SCAP: variants seen among roughly 807,000 people sequenced by gnomAD.
SCAP encodes the protein SREBF chaperone.
Under a neutral mutation model 123.6 loss-of-function variants are expected in SCAP, and 65 were observed. That is an observed-to-expected ratio of 0.53 (90% confidence interval 0.43 to 0.65). SCAP has a LOEUF of 0.65. SCAP is among the 30% of genes least tolerant of loss of function. The pLI is 0.00. For missense variants in SCAP, 1,398 were observed against 1,712.5 expected, an observed-to-expected ratio of 0.82 and a Z score of 3.24; for synonymous variants, 740 against 726.3, an observed-to-expected ratio of 1.02 and a Z score of -0.30.
intron 1 of SCAP, among the ~76,000 whole-genome samples, chr3:47,471,488 T>C: frequency 6.6e-6 from 1 of 152,160 alleles, no homozygotes; most frequent in East Asian, 1.9e-4. Flanking sequence ...AACATAGTTC[T>C]AGTATACTTA....
Position 47,419,498 on chromosome 3 carries a change from G to A in SCAP, c.1770C>T (p.Asn590=), listed in dbSNP as rs765920943. 1 of 1,614,016 alleles carries A rather than the reference G, an allele frequency of 6.2e-7. No homozygotes were observed. Among genetic ancestry groups the A allele is most frequent in the Non-Finnish European group, 8.5e-7 (1 of 1,180,002 alleles). ...FPPDAPKLPE[N]QTSPGESPER... ...CAGGTGACTCGCCTGGCGACGTCTG[G>A]TTCTCAGGTAGCTTAGGGGCATCAG... The change falls in exon 13 of 23, where the codon AAC becomes AAT. Residue 590 remains asparagine, a synonymous_variant. Transcript: ENST00000265565. The surrounding 1 kb of genome is among the most constrained non-coding windows in gnomAD (Gnocchi z 5.0).
At chr3:47,459,500 C>T (rs906349267) in intron 1 of SCAP, among the ~76,000 whole-genome samples, 1 of 152,050 alleles carries the variant, frequency 6.6e-6, no homozygotes, top group Non-Finnish European at 1.5e-5. Flanking sequence ...TAAAGAGAAA[C>T]AGTACAAAGA....
intron 8 of SCAP, 125 bp from the exon 9 acceptor site, chr3:47,424,170 G>T: frequency 1.5e-6 from 1 of 685,400 alleles, no homozygotes; most frequent in Non-Finnish European, 2.6e-6. Context: ...CACAGGTGCT[G>T]GGCAGAAACC....
At chr3:47,433,033 AAGACCAAAAGTGAAGCT>A (rs1355643993) in intron 3 of SCAP, among the ~76,000 whole-genome samples, 1 of 152,202 alleles carries the variant, frequency 6.6e-6, no homozygotes, top group African/African-American at 2.4e-5. Context: ...CACTGTTGGG[AAGACCAAAAGTGAAGCT>A]GACCCAGAGA....
At chr3:47,442,576 A>G (rs1291596510) in intron 2 of SCAP, among the ~76,000 whole-genome samples, 1 of 152,268 alleles carries the variant, frequency 6.6e-6, no homozygotes, top group Admixed American at 6.5e-5. Context: ...AGAAAACTGA[A>G]GTATCATATC....
chr3:47,471,615 C>A (rs891246334), intron 1 of SCAP, among the ~76,000 whole-genome samples: 1 of 152,062 alleles, frequency 6.6e-6, no homozygotes, highest in Non-Finnish European at 1.5e-5. Flanking sequence ...AGGTGATCCA[C>A]CCTCCTCAGC....
At chr3:47,424,590 A>C (rs1706041071) in intron 8 of SCAP, among the ~76,000 whole-genome samples, 1 of 152,168 alleles carries the variant, frequency 6.6e-6, no homozygotes, top group Non-Finnish European at 1.5e-5. Context: ...AACCCTAAGA[A>C]AGTCTATGTG....
intron 1 of SCAP, among the ~76,000 whole-genome samples, chr3:47,469,411 G>A (rs1487388366): frequency 6.6e-6 from 1 of 152,172 alleles, no homozygotes; most frequent in African/African-American, 2.4e-5. Flanking sequence ...ACCCAGGCTG[G>A]AGTGCTGTGA....
intron 3 of SCAP, among the ~76,000 whole-genome samples, chr3:47,433,504 C>T (rs951466594): frequency 2.0e-5 from 3 of 152,218 alleles, no homozygotes; most frequent in Non-Finnish European, 2.9e-5. Context: ...CTATTCCACA[C>T]CAATGGGCCA....
chr3:47,414,147 T>G (rs1705448888), intron 22 of SCAP, 33 bp downstream of exon 22: 2 of 1,613,314 alleles, frequency 1.2e-6, no homozygotes, highest in South Asian at 2.2e-5. Flanking sequence ...TTCCCTAAAA[T>G]CCCAAGAATC....
At chr3:47,455,715 C>T (rs534294591) in intron 1 of SCAP, among the ~76,000 whole-genome samples, 1 of 151,422 alleles carries the variant, frequency 6.6e-6, no homozygotes, top group African/African-American at 2.4e-5. Context: ...GTCAATATAA[C>T]GTAACCAAAG....
chr3:47,435,108 C>A lies in SCAP; in HGVS notation c.152G>T (p.Gly51Val). Reference sequence around the variant, plus strand: ...GGTGGTGAATTCCACAGGTCCTGTTCCTGGCAAGGGGAGTTTCAGCAGTGG... The same window carrying A: ...GGTGGTGAATTCCACAGGTCCTGTTACTGGCAAGGGGAGTTTCAGCAGTGG... ...CYPLLKLPLP[G>V]TGPVEFTTPV... Residue 51 changes from glycine (G) to valine (V), a missense_variant, in exon 3 of 23, where the codon GGA becomes GTA. By Grantham distance (109) the Gly-to-Val change is moderately radical. Around this residue, in one of 7 missense-constraint regions of SCAP, gnomAD observed 319 missense variants for 432.4 expected, o/e 0.74. Coordinates refer to ENST00000265565, the MANE Select transcript of SCAP (RefSeq NM_012235.4). 6.2e-7 allele frequency: 1 copy of A among 1,613,968 alleles called. No individual in the cohort carries two copies.
chr3:47,474,146 T>C lies in SCAP; in HGVS notation c.-99+1653A>G, dbSNP rs183372625. 5.1e-3 allele frequency among the ~76,000 whole-genome samples: 782 copies of C among 152,084 alleles called. 6 individuals carry two copies. Among genetic ancestry groups the C allele is most frequent in the South Asian group, 0.015 (73 of 4,826 alleles). The stretch of plus-strand genomic sequence containing the variant: ...CGGGCATGGTGGCGGGCGCCTGTAG[T>C]CCCAGCTACTTGGGAGGCTGAGGCA... On this transcript the variant is annotated intron_variant, in intron 1 of 22. Transcript: ENST00000265565.
Position 47,414,018 on chromosome 3 carries a change from C to T in SCAP, c.3676G>A (p.Asp1226Asn). The T allele has an allele frequency of 6.2e-7, 1 of 1,613,294 alleles. No homozygotes were observed. Reference protein sequence around the residue: ...TGGQGCVSFWDLNYGDLLQTV... With the variant: ...TGGQGCVSFWNLNYGDLLQTV... ...TGTAACAGGTCCCCGTAGTTTAGGT[C>T]CCAAAAGGAGACACAGCCCTGGCCG... is the stretch of plus-strand genomic sequence containing the variant. The change falls in exon 23 of 23, where the codon GAC becomes AAC. Residue 1226 changes from aspartate to asparagine, a missense_variant. Physicochemically the swap from Asp to Asn is conservative, Grantham distance 23. Around this residue, in one of 7 missense-constraint regions of SCAP, gnomAD observed 130 missense variants for 166.7 expected, o/e 0.78. Transcript: ENST00000265565.
chr3:47,427,433 T>C lies in SCAP; in HGVS notation c.631+14A>G. On this transcript the variant is annotated intron_variant, in intron 5 of 22. Transcript: ENST00000265565. ...CACCTTTACAGGTCTGAAGGGAACT[T>C]GTACTGGGGCTACCTTTGAGTGTGG... The C allele has an allele frequency of 6.2e-7, 1 of 1,613,452 alleles. No homozygotes were observed. Among genetic ancestry groups the C allele is most frequent in the Non-Finnish European group, 8.5e-7 (1 of 1,179,376 alleles).
chr3:47,421,561 T>C (rs1239032658), intron 10 of SCAP, among the ~76,000 whole-genome samples: 1 of 152,184 alleles, frequency 6.6e-6, no homozygotes, highest in Non-Finnish European at 1.5e-5. Flanking sequence ...CAGACAAAAT[T>C]TTCTGAGATG....
rs765925928 is a variant in SCAP at position 47,427,151 on chromosome 3, T to A, written c.737+6A>T. 1.2e-6 allele frequency: 2 copies of A among 1,605,258 alleles called. No homozygotes were observed. Among genetic ancestry groups the A allele is most frequent in the Non-Finnish European group, 1.7e-6 (2 of 1,172,064 alleles). ...AGTCAAGAGCCCAGGGTACTGTCAA[T>A]CTTACTTGGCATGGTAGTGCTGGAA... On this transcript the variant is annotated splice_donor_region_variant and intron_variant, in intron 6 of 22. Transcript: ENST00000265565.
chr3:47,451,330 T>C (rs1004772070), intron 1 of SCAP, among the ~76,000 whole-genome samples: 1 of 122,438 alleles, frequency 8.2e-6, no homozygotes. Context: ...TGCTGACTAT[T>C]TTTCAATTAT....
chr3:47,422,636 C>A, intron 9 of SCAP, 100 bp from the exon 10 acceptor site: 2 of 915,138 alleles, frequency 2.2e-6, no homozygotes, highest in Non-Finnish European at 3.3e-6. Context: ...CATGGCAAGG[C>A]CCCCCAGCCC....
Sources: allele counts gnomAD v4.1 joint callset (sites outside exome capture counted in the v4.1 genomes callset), GRCh38; gene constraint gnomAD v4.1.1; regional missense constraint gnomAD v4.1.1; non-coding constraint Gnocchi (gnomAD v3.1); transcripts MANE v1.5; gene names NCBI Gene and HGNC (gene_info 2026-07-23, HGNC 2026-07-21).